The following PMVK variants were observed in gnomAD, a reference collection of about 807,000 sequenced individuals.
PMVK encodes the protein phosphomevalonate kinase, also known as testis tissue sperm-binding protein Li 95mP.
PMVK carries 10 observed loss-of-function variants against 19.0 expected under a neutral mutation model. The observed-to-expected ratio is 0.53, with a 90% confidence interval of 0.32 to 0.89. PMVK has a LOEUF of 0.89. Ranked by LOEUF, PMVK falls within the 40% of genes least tolerant of loss-of-function variation. The pLI, the probability that PMVK is intolerant of heterozygous loss-of-function variation, is 0.03. For missense variants in PMVK, 222 were observed against 251.1 expected, an observed-to-expected ratio of 0.88 and a Z score of 0.78; for synonymous variants, 108 against 101.6, an observed-to-expected ratio of 1.06 and a Z score of -0.38.
At chr1:154,938,448 G>T (rs1311095977), upstream of PMVK, among the ~76,000 whole-genome samples, 2 of 152,150 alleles carry the variant, frequency 1.3e-5, no homozygotes, top group Non-Finnish European at 2.9e-5. Flanking sequence ...AAATTAGCTG[G>T]ATAGCTGGAC....
chr1:154,927,082 A>G (rs540681263), intron 3 of PMVK, among the ~76,000 whole-genome samples: 12 of 152,084 alleles, frequency 7.9e-5, no homozygotes, highest in Admixed American at 3.3e-4. Flanking sequence ...TTCAAAATAC[A>G]CGCAAAATTG....
chr1:154,925,909 CA>C (rs1244233336), intron 4 of PMVK, among the ~76,000 whole-genome samples: 1 of 152,230 alleles, frequency 6.6e-6, no homozygotes. Context: ...CTCTAAGTCA[CA>C]GTGATCTAGG....
At chr1:154,926,892 G>A (rs1423395476) in intron 3 of PMVK, among the ~76,000 whole-genome samples, 1 of 152,130 alleles carries the variant, frequency 6.6e-6, no homozygotes, top group African/African-American at 2.4e-5. Flanking sequence ...GTCAACAAGT[G>A]TCTCAACCTC....
chr1:154,926,144 CA>C (rs1427465274), intron 4 of PMVK, among the ~76,000 whole-genome samples: 1 of 152,210 alleles, frequency 6.6e-6, no homozygotes, highest in East Asian at 1.9e-4. Flanking sequence ...GCCAGACCAC[CA>C]AAGCAGCCCA....
chr1:154,939,452 G>A (rs568481987), upstream of PMVK, among the ~76,000 whole-genome samples: 17 of 151,924 alleles, frequency 1.1e-4, no homozygotes, highest in African/African-American at 3.4e-4. Flanking sequence ...TTGGAAGGCC[G>A]AGGCGGGCAG....
chr1:154,942,016 T>G, the PMVK span, among the ~76,000 whole-genome samples: 1 of 152,154 alleles, frequency 6.6e-6, no homozygotes, highest in African/African-American at 2.4e-5. Flanking sequence ...AATGAGTTTT[T>G]GGGACTGGCC....
In PMVK at chr1:154,926,346, T is replaced by A. The variant is rs767950461; in HGVS notation, c.442+8A>T. 1 of 1,611,526 alleles carries A rather than the reference T, an allele frequency of 6.2e-7. No individual in the cohort carries two copies. Among genetic ancestry groups the A allele is most frequent in the South Asian group, 1.1e-5 (1 of 90,650 alleles). ...GTCCTCCTGTGCCCTACACATAGAG[T>A]GGCTCACCTGGCGTGAACACCCAGC... is the stretch of plus-strand genomic sequence containing the variant. On this transcript the variant is annotated splice_region_variant and intron_variant, in intron 4 of 4. Transcript: ENST00000368467.
At chr1:154,934,498 T>C (rs6696628) in intron 1 of PMVK, among the ~76,000 whole-genome samples, 31,461 of 152,002 alleles carry the variant, frequency 0.21, 7,351 homozygotes, top group African/African-American at 0.58. Flanking sequence ...TTTTATCTTT[T>C]GTAGAGAGGG....
In PMVK at chr1:154,926,360, T is replaced by A. The variant is rs1350346775; in HGVS notation, c.436A>T (p.Thr146Ser). The A allele has an allele frequency of 2.5e-6, 4 of 1,612,920 alleles. No individual in the cohort carries two copies. The highest frequency in any genetic ancestry group is 1.7e-5 in the Admixed American group (1 of 59,962). The change falls in exon 4 of 5, where the codon ACG (threonine) becomes TCG (serine). Residue 146 changes from threonine to serine, a missense_variant. Thr to Ser is a moderately conservative substitution (Grantham distance 58, BLOSUM62 1). Transcript: ENST00000368467. ...TACACATAGAGTGGCTCACCTGGCG[T>A]GAACACCCAGCCCCGCTGCTGTCGG... ...QSRQQRGWVF[T>S]PGVDDAESEC...
At chr1:154,939,637 G>A (rs1292798622), upstream of PMVK, among the ~76,000 whole-genome samples, 1 of 150,624 alleles carries the variant, frequency 6.6e-6, no homozygotes, top group Admixed American at 6.6e-5. Context: ...GGTGGAGCTT[G>A]CAGTGAGCGG....
rs551708786 is a variant in PMVK at position 154,925,642 on chromosome 1, GT to G, written c.443-378del. Reference sequence around the variant, plus strand: ...ACTCAATCCCCTCAGGAGGCAGCATGTGCTGGAGTCAGAAGCAGAGGGTCAG... The same window carrying G: ...ACTCAATCCCCTCAGGAGGCAGCATGGCTGGAGTCAGAAGCAGAGGGTCAG... On this transcript the variant is annotated intron_variant, in intron 4 of 4. Transcript: ENST00000368467. Among the ~76,000 whole-genome samples the G allele has an allele frequency of 5.7e-3, 868 of 152,352 alleles. 4 individuals are homozygous for G. Among genetic ancestry groups the G allele is most frequent in the Non-Finnish European group, 8.6e-3 (584 of 68,030 alleles).
At chr1:154,928,948 T>C in intron 3 of PMVK, 76 bp downstream of exon 3, 1 of 1,427,944 alleles carries the variant, frequency 7.0e-7, no homozygotes, top group East Asian at 2.3e-5. Context: ...ATGGTGGCAG[T>C]GGAGACAGAG....
chr1:154,928,956 G>C (rs1654252699), intron 3 of PMVK, 68 bp downstream of exon 3: 1 of 1,475,248 alleles, frequency 6.8e-7, no homozygotes, highest in South Asian at 1.2e-5. Flanking sequence ...AGTGGAGACA[G>C]AGAGAGATGG....
rs773175481 is a variant in PMVK at position 154,925,081 on chromosome 1, C to T, written c.*48G>A. The T allele has an allele frequency of 5.6e-6, 7 of 1,248,814 alleles. No homozygotes were observed. The highest frequency in any genetic ancestry group is 3.9e-5 in the Admixed American group (2 of 51,316). The allele number at this position is 1,248,814 out of a possible 1,614,324, so 77.4% of individuals were successfully genotyped here. ...GGACACCCCCATTTTGCAGAGTCAGCCCCACCCCCACCTCAGCAGGCCCCA... is the reference window on the plus strand; with the variant it reads ...GGACACCCCCATTTTGCAGAGTCAGTCCCACCCCCACCTCAGCAGGCCCCA... On this transcript the variant is annotated 3_prime_UTR_variant, in exon 5 of 5. Transcript: ENST00000368467.
chr1:154,940,608 C>A (rs1558034751), upstream of PMVK, among the ~76,000 whole-genome samples: 1 of 152,220 alleles, frequency 6.6e-6, no homozygotes, highest in Non-Finnish European at 1.5e-5. Flanking sequence ...TCTCTGAAAT[C>A]CTATTATCTT....
intron 1 of PMVK, among the ~76,000 whole-genome samples, chr1:154,935,076 A>C (rs999082253): frequency 1.6e-4 from 24 of 151,294 alleles, no homozygotes; most frequent in Non-Finnish European, 2.8e-4. Context: ...AAAAAAAAAA[A>C]AAAAAAAAAA....
At chr1:154,938,057 T>A (rs760132188), upstream of PMVK, 6 of 152,234 alleles carry the variant, frequency 3.9e-5, no homozygotes, top group Non-Finnish European at 7.3e-5. Flanking sequence ...TTCTCAAGTA[T>A]CATCCAGATG....
the PMVK span, among the ~76,000 whole-genome samples, chr1:154,942,132 G>T: frequency 6.6e-6 from 1 of 152,230 alleles, no homozygotes; most frequent in Non-Finnish European, 1.5e-5. Context: ...CAGGGAAGCA[G>T]GCCCTACTTG....
chr1:154,929,089 T>C lies in PMVK; in HGVS notation c.247A>G (p.Lys83Glu). Residue 83 changes from lysine (K) to glutamate (E), a missense_variant, in exon 3 of 5, where the codon AAA becomes GAA. By Grantham distance (56) the Lys-to-Glu change is moderately conservative. Coordinates refer to ENST00000368467, the MANE Select transcript of PMVK (RefSeq NM_006556.4). ...RKDMIRWGEE[K>E]RQADPGFFCR... is the part of the protein sequence containing the mutation. ...AAGAAGCCTGGGTCAGCCTGGCGTT[T>C]CTCCTCTCCCCAGCGGATCATGTCC... is the stretch of plus-strand genomic sequence containing the variant. 1 of 1,614,180 alleles carries C rather than the reference T, an allele frequency of 6.2e-7. No homozygotes were observed. Among genetic ancestry groups the C allele is most frequent in the South Asian group, 1.1e-5 (1 of 91,082 alleles).
Sources: gnomAD v4.1 joint callset for allele counts (sites outside exome capture counted in the v4.1 genomes callset) on GRCh38, gnomAD v4.1.1 for gene constraint, MANE v1.5 for transcripts, NCBI Gene and HGNC (gene_info 2026-07-23, HGNC 2026-07-21) for gene names.